UNC119: variants seen among roughly 807,000 people sequenced by gnomAD.
The protein encoded by UNC119 is unc-119 lipid binding chaperone, also known as protein unc-119 homolog A.
UNC119 carries 15 observed loss-of-function variants against 22.6 expected under a neutral mutation model. The observed-to-expected ratio is 0.66, with a 90% CI of 0.44 to 1.02. The LOEUF (loss-of-function observed/expected upper bound fraction) is 1.02. UNC119 is among the 50% of genes least tolerant of loss of function. The probability of loss-of-function intolerance (pLI) is 0.00; values close to 1 mark genes in which losing one functional copy is unlikely to be tolerated. For synonymous variants in UNC119, 138 were observed against 139.4 expected (o/e 0.99, Z 0.07); for missense variants, 322 against 336.0 (o/e 0.96, Z 0.33).
At chr17:28,550,583 A>C (rs2070259727) in intron 1 of UNC119, 1 of 152,286 alleles carries the variant, frequency 6.6e-6, no homozygotes, top group African/African-American at 2.4e-5. Flanking sequence ...TATTCCTCTC[A>C]GCCACAAATA....
chr17:28,552,576 C>G lies in UNC119; in HGVS notation c.-19G>C, dbSNP rs777112986. The stretch of plus-strand genomic sequence containing the variant: ...CCTTCATGGCCTTGCGGGGCCGAGG[C>G]TCGCCTGCTGCTGCCGCCGCTGCCT... On this transcript the variant is annotated 5_prime_UTR_variant, in exon 1 of 5. Transcript: ENST00000335765. The G allele has an allele frequency of 7.4e-6, 11 of 1,494,000 alleles. No individual in the cohort carries two copies. The highest frequency in any genetic ancestry group is 5.7e-5 in the East Asian group (2 of 35,354). 92.5% of individuals were successfully genotyped at this position (1,494,000 alleles called of 1,614,324 possible).
intron 4 of UNC119, 83 bp from the exon 5 acceptor site, chr17:28,547,492 G>C: frequency 6.3e-7 from 1 of 1,594,560 alleles, no homozygotes; most frequent in Non-Finnish European, 8.5e-7. Context: ...TGGGGTACAG[G>C]GACAGCCAAA....
At chr17:28,552,213 G>A in intron 1 of UNC119, 125 bp downstream of exon 1, 1 of 884,724 alleles carries the variant, frequency 1.1e-6, no homozygotes, top group Non-Finnish European at 1.7e-6. Context: ...GGACACAGGA[G>A]AGGGGACTCG....
rs2070281201 is a variant in UNC119, at chr17:28,552,246, G to A, written c.220+92C>T. 54 of 1,229,850 alleles carry A rather than the reference G, an allele frequency of 4.4e-5. No individual in the cohort carries two copies. The East Asian group carries it at 1.4e-3, about 32-fold the overall frequency. 76.2% of individuals were successfully genotyped at this position (1,229,850 alleles called of 1,614,324 possible). On this transcript the variant is annotated intron_variant, in intron 1 of 4. Transcript: ENST00000335765. ...TCGGTGGGGGAGGGGAGGCGGGAAA[G>A]GGGGCGGGGGCCAGGGCTTGGCGCG...
rs1168630959 is a variant in UNC119 at position 28,552,472 on chromosome 17, G to A, written c.86C>T (p.Pro29Leu). 1 of 1,578,916 alleles carries A rather than the reference G, an allele frequency of 6.3e-7. No homozygotes were observed. The highest frequency in any genetic ancestry group is 1.7e-5 in the Admixed American group (1 of 58,022). ...GPSGQSVAPI[P>L]QPPAESESGS... ...AGATTCGGATTCCGCAGGCGGCTGT[G>A]GTATGGGGGCCACGCTCTGGCCCGA... The change falls in exon 1 of 5, where the codon CCA becomes CTA. Residue 29 changes from proline (P) to leucine (L), a missense_variant. Transcript: ENST00000335765.
At chr17:28,552,122 G>GGA in intron 1 of UNC119, 1 of 711,316 alleles carries the variant, frequency 1.4e-6, no homozygotes. Context: ...ATCTCGAAAG[G>GGA]GAGAAGAAGG....
Position 28,548,112 on chromosome 17 carries a change from C to A in UNC119, c.335-11G>T. The A allele has an allele frequency of 1.2e-6, 2 of 1,607,750 alleles. No individual in the cohort carries two copies. Among genetic ancestry groups the A allele is most frequent in the Non-Finnish European group, 1.7e-6 (2 of 1,177,292 alleles). On this transcript the variant is annotated splice_polypyrimidine_tract_variant and intron_variant, in intron 2 of 4. Coordinates refer to ENST00000335765, the MANE Select transcript of UNC119 (RefSeq NM_005148.4). Reference sequence around the variant, plus strand: ...TGATGGGCAACCGTTCTGCAATGTACCCCAGCTGGGGCTCAGTGGGCTTCA... The same window carrying A: ...TGATGGGCAACCGTTCTGCAATGTAACCCAGCTGGGGCTCAGTGGGCTTCA...
chr17:28,547,375 C>G lies in UNC119; in HGVS notation c.645G>C (p.Gln215His). ...CATCCACGAAGTAGAAGCTGTCAGACTGGGTCTCATACGGGTGGCGGATCA... is the reference window on the plus strand; with the variant it reads ...CATCCACGAAGTAGAAGCTGTCAGAGTGGGTCTCATACGGGTGGCGGATCA... ...SEMIRHPYET[Q>H]SDSFYFVDDR... is the part of the protein sequence containing the mutation. Residue 215 changes from glutamine to histidine, a missense_variant, in exon 5 of 5, where the codon CAG becomes CAC. Transcript: ENST00000335765. 1.2e-6 allele frequency: 2 copies of G among 1,614,240 alleles called. No homozygotes were observed. The highest frequency in any genetic ancestry group is 1.7e-6 in the Non-Finnish European group (2 of 1,180,032).
rs1383211248 is a variant in UNC119 at position 28,547,300 on chromosome 17, G to C, written c.720C>G (p.Pro240=). 2 of 1,614,102 alleles carry C rather than the reference G, an allele frequency of 1.2e-6. No individual in the cohort carries two copies. Among genetic ancestry groups the C allele is most frequent in the Non-Finnish European group, 1.7e-6 (2 of 1,179,988 alleles). ...TGGGGTCAGGGCAGCCGTGGGGTCA[G>C]GGTGTCCCGCTGTAGGAATAGTCTG... ...NKADYSYSGT[P] is the part of the protein sequence containing the mutation. The change falls in exon 5 of 5, where the codon CCC becomes CCG. Residue 240 remains proline, a synonymous_variant. Coordinates refer to ENST00000335765, the MANE Select transcript of UNC119 (RefSeq NM_005148.4).
At chr17:28,550,427 T>C (rs929849718) in intron 1 of UNC119, 1 of 152,200 alleles carries the variant, frequency 6.6e-6, no homozygotes, top group Admixed American at 6.5e-5. Flanking sequence ...TCAACCTCTC[T>C]GTCCTTAGAA....
In UNC119 at chr17:28,547,234, GT is replaced by G; in HGVS notation, c.*62del. On this transcript the variant is annotated 3_prime_UTR_variant, in exon 5 of 5. Transcript: ENST00000335765. Reference sequence around the variant, plus strand: ...GAGGACTTGGGGTTGAGGGGTGAGCGTTGGGGAGGTCACAGCTCCCAGCCCA... The same window carrying G: ...GAGGACTTGGGGTTGAGGGGTGAGCGTGGGGAGGTCACAGCTCCCAGCCCA... 6.3e-7 allele frequency: 1 copy of G among 1,594,830 alleles called. No individual in the cohort carries two copies. The highest frequency in any genetic ancestry group is 1.3e-5 in the African/African-American group (1 of 74,580).
Position 28,547,237 on chromosome 17 carries a change from G to A in UNC119, c.*60C>T. 6.3e-7 allele frequency: 1 copy of A among 1,596,498 alleles called. No individual in the cohort carries two copies. Among genetic ancestry groups the A allele is most frequent in the Non-Finnish European group, 8.6e-7 (1 of 1,166,958 alleles). ...GACTTGGGGTTGAGGGGTGAGCGTT[G>A]GGGAGGTCACAGCTCCCAGCCCAGA... On this transcript the variant is annotated 3_prime_UTR_variant, in exon 5 of 5. Coordinates refer to ENST00000335765, the MANE Select transcript of UNC119 (RefSeq NM_005148.4).
In UNC119 at chr17:28,552,606, C is replaced by T; in HGVS notation, c.-49G>A. 6.9e-7 allele frequency: 1 copy of T among 1,459,258 alleles called. No homozygotes were observed. 90.4% of individuals were successfully genotyped at this position (1,459,258 alleles called of 1,614,324 possible). A position where few individuals can be genotyped will look rare whatever the true frequency, so the allele number is the denominator to read the frequency against. On this transcript the variant is annotated 5_prime_UTR_variant, in exon 1 of 5. Coordinates refer to ENST00000335765, the MANE Select transcript of UNC119 (RefSeq NM_005148.4). ...CTGCTGCTGCCGCCGCTGCCTGCGC[C>T]GGCTGGAGCCGGGGGAAGTGGGAGC... is the stretch of plus-strand genomic sequence containing the variant.
chr17:28,548,306 G>A (rs1414314531), intron 2 of UNC119: 13 of 628,920 alleles, frequency 2.1e-5, no homozygotes, highest in Non-Finnish European at 3.0e-5. Context: ...GTGCTTCCCC[G>A]GGCCACAGGA....
At chr17:28,547,597 C>A (rs749168657) in intron 4 of UNC119, 80 bp downstream of exon 4, 15 of 1,612,334 alleles carry the variant, frequency 9.3e-6, no homozygotes, top group Non-Finnish European at 1.3e-5. Flanking sequence ...TGGGATCAGA[C>A]CCACAAGTCC....
At position 28,547,669 on chromosome 17, in the gene UNC119, C is replaced by T. The variant is rs750031171; in HGVS notation, c.610+8G>A. On this transcript the variant is annotated splice_region_variant and intron_variant, in intron 4 of 4. Transcript: ENST00000335765. ...CTTCCCCACTCCCAGAAGACCCTGC[C>T]CGCGCACTCAGCTCCTCGGAGAGAG... The T allele has an allele frequency of 9.9e-6, 16 of 1,614,152 alleles. No homozygotes were observed. The highest frequency in any genetic ancestry group is 1.4e-5 in the Non-Finnish European group (16 of 1,180,032).
Position 28,547,302 on chromosome 17 carries a change from G to T in UNC119, c.718C>A (p.Pro240Thr), listed in dbSNP as rs762890950. 1.2e-6 allele frequency: 2 copies of T among 1,614,152 alleles called. No homozygotes were observed. Among genetic ancestry groups the T allele is most frequent in the South Asian group, 2.2e-5 (2 of 91,088 alleles). Reference protein sequence around the residue: ...NKADYSYSGTP With the variant: ...NKADYSYSGTT ...GGGTCAGGGCAGCCGTGGGGTCAGG[G>T]TGTCCCGCTGTAGGAATAGTCTGCT... Residue 240 changes from proline to threonine, a missense_variant, in exon 5 of 5, where the codon CCC becomes ACC. Coordinates refer to ENST00000335765, the MANE Select transcript of UNC119 (RefSeq NM_005148.4).
At chr17:28,548,153 C>A in intron 2 of UNC119, 52 bp from the exon 3 acceptor site, 1 of 1,547,758 alleles carries the variant, frequency 6.5e-7, no homozygotes, top group Non-Finnish European at 8.8e-7. Flanking sequence ...GGCCCTTGTC[C>A]ACCCAGGGTT....
At position 28,546,832 on chromosome 17, in the gene UNC119, G is replaced by T; in HGVS notation, c.*465C>A. On this transcript the variant is annotated 3_prime_UTR_variant, in exon 5 of 5. Transcript: ENST00000335765. ...TCTTGGCCCCTCATGGGGAGGGATG[G>T]GGCTAGGCCTAGGGCCCAGACTCCC... 3.6e-6 allele frequency: 1 copy of T among 276,218 alleles called. No individual in the cohort carries two copies. 17.1% of individuals were successfully genotyped at this position (276,218 alleles called of 1,614,324 possible).
Sources: gnomAD v4.1 joint callset for allele counts on GRCh38, gnomAD v4.1.1 for gene constraint, MANE v1.5 for transcripts, NCBI Gene and HGNC (gene_info 2026-07-23, HGNC 2026-07-21) for gene names.